AFF3: variants seen among roughly 807,000 people sequenced by gnomAD.
The protein encoded by AFF3 is AF4/FMR2 family member 3.
A neutral mutation model predicts 129.7 loss-of-function variants in AFF3; 32 were observed. The ratio of observed to expected loss-of-function variants is 0.25; its 90% CI spans 0.19 to 0.33. The LOEUF is 0.33. Among genes scored for constraint, AFF3 ranks in the 10% least tolerant of loss-of-function variants. AFF3 has a pLI of 1.00. For synonymous variants in AFF3, 644 were observed against 635.4 expected, an observed-to-expected ratio of 1.01 and a Z score of -0.20; for missense variants, 1,373 against 1,592.0, an observed-to-expected ratio of 0.86 and a Z score of 2.34.
At chr2:99,907,671 C>T (rs768371041) in intron 7 of AFF3, among the ~76,000 whole-genome samples, 16 of 151,696 alleles carry the variant, frequency 1.1e-4, no homozygotes, top group Non-Finnish European at 4.4e-5. Context: ...TAGGGTCTCA[C>T]CCTGTCACCC....
intron 8 of AFF3, among the ~76,000 whole-genome samples, chr2:99,831,965 C>T (rs762342213): frequency 3.3e-5 from 5 of 152,324 alleles, no homozygotes; most frequent in Non-Finnish European, 1.5e-5. Context: ...TAATCCCACC[C>T]GCTCAGTGCC....
intron 7 of AFF3, among the ~76,000 whole-genome samples, chr2:99,840,201 G>C (rs1689215614): frequency 6.6e-6 from 1 of 151,904 alleles, no homozygotes; most frequent in Admixed American, 6.6e-5. Context: ...TTTTTCTTCT[G>C]CTGTTTGAGC....
In AFF3 at chr2:99,593,411, C is replaced by T. The variant is rs1164701728; in HGVS notation, c.2250G>A (p.Arg750=). ...EQFYTLVPFG[R]NELLSPLKDS... ...CCTTTAGAGGGGAGAGAAGTTCGTT[C>T]CGGCCAAAGGGGACCAGTGTGTAGA... Residue 750 remains arginine (R), a synonymous_variant, in exon 15 of 25, where the codon CGG becomes CGA. Coordinates refer to ENST00000672756, the MANE Select transcript of AFF3 (RefSeq NM_001386135.1). The T allele has an allele frequency of 6.2e-7, 1 of 1,613,898 alleles. No homozygotes were observed. Among genetic ancestry groups the T allele is most frequent in the Non-Finnish European group, 8.5e-7 (1 of 1,179,990 alleles).
chr2:99,803,625 GCAATCCTAAGCAAAAAGAACA>G (rs1160929097), intron 8 of AFF3, among the ~76,000 whole-genome samples: 5 of 152,046 alleles, frequency 3.3e-5, no homozygotes, highest in East Asian at 1.9e-4. Flanking sequence ...AAGAGCCAAA[GCAATCCTAAGCAAAAAGAACA>G]AAGCCAGAGG....
intron 4 of AFF3, among the ~76,000 whole-genome samples, chr2:100,067,208 G>A (rs985695131): frequency 6.6e-6 from 1 of 151,774 alleles, no homozygotes; most frequent in Non-Finnish European, 1.5e-5. Flanking sequence ...GGTGGGGGGA[G>A]GGTGTAGTTC....
intron 7 of AFF3, among the ~76,000 whole-genome samples, chr2:99,886,198 T>C (rs1231198213): frequency 6.6e-6 from 1 of 152,206 alleles, no homozygotes; most frequent in East Asian, 1.9e-4. Flanking sequence ...GCACCTTTCC[T>C]ACCTCAGAAA....
chr2:99,749,347 C>T (rs1320908640), intron 9 of AFF3, among the ~76,000 whole-genome samples: 1 of 152,152 alleles, frequency 6.6e-6, no homozygotes, highest in Admixed American at 6.5e-5. Flanking sequence ...AATTTTACCT[C>T]AGAAGTCAAG....
At chr2:100,132,220 T>C (rs1349082908) in intron 1 of AFF3, among the ~76,000 whole-genome samples, 4 of 152,170 alleles carry the variant, frequency 2.6e-5, no homozygotes, top group African/African-American at 9.7e-5. Flanking sequence ...GAAAATTGCT[T>C]AGAGAGTAGA....
chr2:99,668,191 C>T (rs1476626587), intron 12 of AFF3, among the ~76,000 whole-genome samples: 3 of 151,912 alleles, frequency 2.0e-5, no homozygotes, highest in Non-Finnish European at 2.9e-5. Context: ...TTTTTCTCCC[C>T]GAGATGGAGT....
intron 4 of AFF3, among the ~76,000 whole-genome samples, chr2:100,086,576 G>A (rs1689447016): frequency 6.6e-6 from 1 of 152,200 alleles, no homozygotes; most frequent in African/African-American, 2.4e-5. Flanking sequence ...ACCTAATGGT[G>A]AGAAGAACGT....
At chr2:99,891,631 A>G (rs1166277001) in intron 7 of AFF3, among the ~76,000 whole-genome samples, 1 of 152,180 alleles carries the variant, frequency 6.6e-6, no homozygotes, top group Admixed American at 6.5e-5. Context: ...ACAGCTGCAG[A>G]TGGATGTTTC....
chr2:100,047,318 A>G (rs1353049552), intron 4 of AFF3, among the ~76,000 whole-genome samples: 1 of 152,206 alleles, frequency 6.6e-6, no homozygotes, highest in African/African-American at 2.4e-5. Context: ...TTATTCCATT[A>G]TTTATGTAGT....
chr2:99,546,144 C>T lies in AFF3; in HGVS notation c.*5330G>A, dbSNP rs185206554. 125 of 228,574 alleles carry T rather than the reference C, an allele frequency of 5.5e-4. No individual in the cohort carries two copies. Among genetic ancestry groups the T allele is most frequent in the African/African-American group, 2.6e-3 (117 of 45,188 alleles). 14.2% of individuals were successfully genotyped at this position (228,574 alleles called of 1,614,324 possible). A position where few individuals can be genotyped will look rare whatever the true frequency, so the allele number is the denominator to read the frequency against. Reference sequence around the variant, plus strand: ...AAAACTTTCAAGATTCCACTTGATCCGGGTTTCTTCGAAAATGTATTACTT... The same window carrying T: ...AAAACTTTCAAGATTCCACTTGATCTGGGTTTCTTCGAAAATGTATTACTT... On this transcript the variant is annotated 3_prime_UTR_variant, in exon 25 of 25. Coordinates refer to ENST00000672756, the MANE Select transcript of AFF3 (RefSeq NM_001386135.1).
intron 8 of AFF3, among the ~76,000 whole-genome samples, chr2:99,767,686 G>A (rs760339921): frequency 1.3e-5 from 2 of 152,162 alleles, no homozygotes; most frequent in Non-Finnish European, 2.9e-5. Flanking sequence ...AGCTGGGTGC[G>A]GTGGCTCACG....
chr2:100,067,012 T>C (rs888630950), intron 4 of AFF3, among the ~76,000 whole-genome samples: 5 of 152,024 alleles, frequency 3.3e-5, no homozygotes, highest in Non-Finnish European at 7.4e-5. Context: ...CTGCAGAAAA[T>C]GTCACTTGAT....
chr2:99,714,962 T>C (rs1188389174), intron 11 of AFF3, among the ~76,000 whole-genome samples: 1 of 152,240 alleles, frequency 6.6e-6, no homozygotes, highest in Admixed American at 6.5e-5. Context: ...AAAGAGCCTC[T>C]GGGCATCATC....
intron 7 of AFF3, among the ~76,000 whole-genome samples, chr2:99,913,145 TTATTCAGC>T (rs1369777720): frequency 6.6e-6 from 1 of 152,214 alleles, no homozygotes; most frequent in Non-Finnish European, 1.5e-5. Flanking sequence ...AGACAGTGTC[TTATTCAGC>T]TATAGCCCCT....
chr2:99,598,873 T>C (rs1424883039), intron 14 of AFF3, among the ~76,000 whole-genome samples: 1 of 152,242 alleles, frequency 6.6e-6, no homozygotes, highest in African/African-American at 2.4e-5. Context: ...TGCAAACTCA[T>C]TTTCTTTCTA....
intron 4 of AFF3, among the ~76,000 whole-genome samples, chr2:100,054,869 G>A (rs1056098976): frequency 1.3e-5 from 2 of 152,160 alleles, no homozygotes; most frequent in African/African-American, 4.8e-5. Context: ...GTGGAGGTCA[G>A]CCTCTTGGGA....
Sources: gnomAD v4.1 joint callset for allele counts (sites outside exome capture counted in the v4.1 genomes callset) on GRCh38, gnomAD v4.1.1 for gene constraint, MANE v1.5 for transcripts, NCBI Gene and HGNC (gene_info 2026-07-23, HGNC 2026-07-21) for gene names.